The following ZNRF3 variants were observed in gnomAD, a reference collection of about 807,000 sequenced individuals.
The protein encoded by ZNRF3 is zinc and ring finger 3, also known as E3 ubiquitin-protein ligase ZNRF3.
ZNRF3 carries 23 observed loss-of-function variants against 72.5 expected under a neutral mutation model. That is an observed-to-expected ratio of 0.32 (90% CI 0.23 to 0.45). ZNRF3 has a LOEUF of 0.45. Among genes scored for constraint, ZNRF3 ranks in the 20% least tolerant of loss-of-function variants. The pLI, the probability that ZNRF3 is intolerant of heterozygous loss-of-function variation, is 1.00. For synonymous variants in ZNRF3, 610 were observed against 545.3 expected, an observed-to-expected ratio of 1.12 and a Z score of -1.65; for missense variants, 1,169 against 1,272.1, an observed-to-expected ratio of 0.92 and a Z score of 1.23.
At chr22:28,921,000 A>T (rs2034502294) in intron 1 of ZNRF3, among the ~76,000 whole-genome samples, 1 of 152,262 alleles carries the variant, frequency 6.6e-6, no homozygotes, top group Non-Finnish European at 1.5e-5. Context: ...CACTGGCCAC[A>T]TGCTTCTCCT....
chr22:28,959,411 A>G (rs1401124244), intron 1 of ZNRF3, among the ~76,000 whole-genome samples: 2 of 152,230 alleles, frequency 1.3e-5, no homozygotes, highest in African/African-American at 4.8e-5. Flanking sequence ...CCTCTTTCAA[A>G]TAAGATTATG....
At chr22:28,938,983 G>T (rs534098252) in intron 1 of ZNRF3, among the ~76,000 whole-genome samples, 18 of 152,168 alleles carry the variant, frequency 1.2e-4, no homozygotes, top group African/African-American at 4.3e-4. Context: ...CTGAGTTTTT[G>T]GTATTAATAT....
At chr22:29,045,242 T>C (rs2037044702) in intron 5 of ZNRF3, among the ~76,000 whole-genome samples, 1 of 151,202 alleles carries the variant, frequency 6.6e-6, no homozygotes, top group Non-Finnish European at 1.5e-5. Flanking sequence ...GTACGTGTAG[T>C]CCCAGCTACT....
At chr22:28,917,268 AACACACAC>A (rs10533572) in intron 1 of ZNRF3, 8,773 of 171,188 alleles carry the variant, frequency 0.051, 258 homozygotes, top group Non-Finnish European at 0.067. Flanking sequence ...TTGGGGATAA[AACACACAC>A]ACACACACAC....
chr22:28,923,681 C>T (rs987775154), intron 1 of ZNRF3, among the ~76,000 whole-genome samples: 1 of 152,122 alleles, frequency 6.6e-6, no homozygotes, highest in East Asian at 1.9e-4. Flanking sequence ...TGAAGCAAAG[C>T]CAGCCATATC....
chr22:28,889,957 C>T (rs535662304), intron 1 of ZNRF3, among the ~76,000 whole-genome samples: 1 of 152,278 alleles, frequency 6.6e-6, no homozygotes, highest in Admixed American at 6.5e-5. Context: ...CCCCTGGGTT[C>T]CCACTGCCTG....
intron 1 of ZNRF3, among the ~76,000 whole-genome samples, chr22:28,957,250 C>A (rs757814237): frequency 5.3e-5 from 8 of 152,224 alleles, no homozygotes; most frequent in Admixed American, 1.3e-4. Flanking sequence ...CTCATAGTTA[C>A]AAAATTCCAA....
At chr22:28,943,910 G>A (rs2034997994) in intron 1 of ZNRF3, among the ~76,000 whole-genome samples, 1 of 151,822 alleles carries the variant, frequency 6.6e-6, no homozygotes, top group African/African-American at 2.4e-5. Flanking sequence ...GATGTTCCGT[G>A]TGTAACTAGT....
intron 2 of ZNRF3, among the ~76,000 whole-genome samples, chr22:29,024,724 C>T (rs1315314955): frequency 1.3e-5 from 2 of 151,990 alleles, no homozygotes; most frequent in Non-Finnish European, 2.9e-5. Flanking sequence ...AATATTTTGT[C>T]TGGAAGCACA....
intron 1 of ZNRF3, among the ~76,000 whole-genome samples, chr22:28,897,607 A>G (rs897660965): frequency 2.0e-5 from 3 of 152,268 alleles, no homozygotes; most frequent in Non-Finnish European, 4.4e-5. Context: ...GGCGTGAGCC[A>G]CCGCACCTGG....
intron 2 of ZNRF3, among the ~76,000 whole-genome samples, chr22:29,039,671 G>T (rs552980874): frequency 6.6e-6 from 1 of 151,174 alleles, no homozygotes; most frequent in African/African-American, 2.4e-5. Context: ...TGGATAGCCA[G>T]TATGGTGGCT....
chr22:28,925,900 A>G (rs994419122), intron 1 of ZNRF3, among the ~76,000 whole-genome samples: 4 of 152,066 alleles, frequency 2.6e-5, no homozygotes, highest in Admixed American at 6.6e-5. Context: ...TTTGGTTTCT[A>G]TCACTTTTAG....
chr22:29,011,522 A>G lies in ZNRF3; in HGVS notation c.426+24321A>G, dbSNP rs183829865. ...AGAAATAATGCTAGCTCCGAAACCT[A>G]TAATTCGCAAGTTTAAAAAAATTTA... On this transcript the variant is annotated intron_variant, in intron 2 of 8. Coordinates refer to ENST00000544604, the MANE Select transcript of ZNRF3 (RefSeq NM_001206998.2). Among the ~76,000 whole-genome samples the G allele has an allele frequency of 1.4e-4, 22 of 152,364 alleles. No individual in the cohort carries two copies. In the East Asian group the frequency reaches 4.2e-3, roughly 29 times the overall value.
chr22:29,040,327 A>T (rs1330034670), intron 2 of ZNRF3, among the ~76,000 whole-genome samples: 1 of 151,924 alleles, frequency 6.6e-6, no homozygotes, highest in East Asian at 1.9e-4. Context: ...GTACAAGCAC[A>T]TGCCACCACA....
intron 1 of ZNRF3, among the ~76,000 whole-genome samples, chr22:28,983,709 G>A (rs2035805940): frequency 6.6e-6 from 1 of 152,196 alleles, no homozygotes; most frequent in Non-Finnish European, 1.5e-5. Context: ...TGCCATGCGT[G>A]TGTATGTGTT....
At chr22:28,890,920 G>A (rs1354906712) in intron 1 of ZNRF3, among the ~76,000 whole-genome samples, 1 of 152,070 alleles carries the variant, frequency 6.6e-6, no homozygotes, top group Non-Finnish European at 1.5e-5. Context: ...ACCATACCGA[G>A]CTAATTTTTT....
chr22:29,026,255 T>C lies in ZNRF3; in HGVS notation c.427-16240T>C, dbSNP rs951590917. The C allele has an allele frequency of 3.3e-5, 5 of 152,208 alleles. No individual in the cohort carries two copies. The East Asian group carries it at 7.7e-4, about 23-fold the overall frequency. The allele number at this position is 152,208 out of a possible 1,614,324, so 9.4% of individuals were successfully genotyped here. On this transcript the variant is annotated intron_variant, in intron 2 of 8. Transcript: ENST00000544604. ...TATAGGACACTCTGCGTTTAACTTATGTTTTACAGCCTAACTCATGACTGC... is the reference window on the plus strand; with the variant it reads ...TATAGGACACTCTGCGTTTAACTTACGTTTTACAGCCTAACTCATGACTGC...
chr22:29,039,166 G>C (rs956137602), intron 2 of ZNRF3, among the ~76,000 whole-genome samples: 11 of 152,266 alleles, frequency 7.2e-5, no homozygotes, highest in Admixed American at 7.2e-4. Context: ...CTCTCAAATG[G>C]ATCATGCTTC....
intron 6 of ZNRF3, 83 bp downstream of exon 6, chr22:29,046,966 C>A: frequency 1.6e-6 from 2 of 1,289,744 alleles, no homozygotes; most frequent in South Asian, 2.4e-5. Context: ...AGGACAGGGC[C>A]CTGTGTTCCA....
Sources: allele counts gnomAD v4.1 joint callset (sites outside exome capture counted in the v4.1 genomes callset), GRCh38; gene constraint gnomAD v4.1.1; transcripts MANE v1.5; gene names NCBI Gene and HGNC (gene_info 2026-07-23, HGNC 2026-07-21).